The following CFAP299 variants were observed in gnomAD, a reference collection of about 807,000 sequenced individuals.
The protein encoded by CFAP299 is cilia- and flagella-associated protein 299.
A neutral mutation model predicts 27.0 loss-of-function variants in CFAP299; 21 were observed. The ratio of observed to expected loss-of-function variants is 0.78; its 90% CI spans 0.55 to 1.12. The LOEUF is 1.12. CFAP299 is among the 50% of genes most tolerant of loss of function. CFAP299 has a pLI of 0.00. For synonymous variants in CFAP299, 104 were observed against 98.1 expected (o/e 1.06, Z -0.36); for missense variants, 310 against 276.6 (o/e 1.12, Z -0.86).
chr4:80,902,586 T>TATACACACAC (rs370673737), intron 4 of CFAP299, among the ~76,000 whole-genome samples: 44 of 126,694 alleles, frequency 3.5e-4, no homozygotes, highest in East Asian at 2.6e-3. Context: ...ATGTAATATA[T>TATACACACAC]ACACACACAC....
intron 2 of CFAP299, among the ~76,000 whole-genome samples, chr4:80,582,090 A>G (rs1162541478): frequency 6.6e-6 from 1 of 151,534 alleles, no homozygotes; most frequent in African/African-American, 2.4e-5. Context: ...TTTACATTTG[A>G]ATTTCTTTAT....
chr4:80,335,535 C>A (rs545609225), upstream of CFAP299, among the ~76,000 whole-genome samples: 23 of 152,288 alleles, frequency 1.5e-4, no homozygotes, highest in South Asian at 4.6e-3. Flanking sequence ...CTCAACAGTT[C>A]ACTGAAGCCT....
intron 3 of CFAP299, among the ~76,000 whole-genome samples, chr4:80,667,147 A>G (rs1741180788): frequency 6.6e-6 from 1 of 152,180 alleles, no homozygotes. Flanking sequence ...TTATCCCCAT[A>G]AGAAAAGTCA....
At chr4:80,842,459 T>C (rs947969313) in intron 3 of CFAP299, among the ~76,000 whole-genome samples, 6 of 152,156 alleles carry the variant, frequency 3.9e-5, no homozygotes, top group African/African-American at 1.4e-4. Flanking sequence ...GAAAATTACT[T>C]AACGCCTCTT....
intron 3 of CFAP299, among the ~76,000 whole-genome samples, chr4:80,819,963 T>C (rs1729616148): frequency 6.6e-6 from 1 of 152,206 alleles, no homozygotes; most frequent in East Asian, 1.9e-4. Context: ...TTCCCCTTCT[T>C]ATGTTGTTGT....
intron 2 of CFAP299, among the ~76,000 whole-genome samples, chr4:80,478,773 A>C (rs1441711345): frequency 6.6e-6 from 1 of 151,328 alleles, no homozygotes; most frequent in Non-Finnish European, 1.5e-5. Flanking sequence ...ACATTGTTAT[A>C]GTGGAGTGCT....
intron 2 of CFAP299, among the ~76,000 whole-genome samples, chr4:80,562,599 A>C (rs1386767601): frequency 6.6e-6 from 1 of 151,276 alleles, no homozygotes; most frequent in African/African-American, 2.4e-5. Context: ...TGGAGATTGC[A>C]GTGAGCTGAG....
intron 3 of CFAP299, among the ~76,000 whole-genome samples, chr4:80,849,271 C>T (rs539620978): frequency 8.5e-5 from 13 of 152,094 alleles, no homozygotes; most frequent in South Asian, 2.1e-4. Context: ...TGTCACTAGG[C>T]GATATGAAAT....
At chr4:80,425,620 A>G (rs927051854) in intron 2 of CFAP299, among the ~76,000 whole-genome samples, 3 of 152,208 alleles carry the variant, frequency 2.0e-5, no homozygotes, top group African/African-American at 7.2e-5. Flanking sequence ...TATAAATAGC[A>G]TTGTTTCCCA....
chr4:80,883,856 T>C (rs1209254986), intron 4 of CFAP299, among the ~76,000 whole-genome samples: 1 of 152,172 alleles, frequency 6.6e-6, no homozygotes, highest in African/African-American at 2.4e-5. Flanking sequence ...GTTTGTTTGT[T>C]TGTTTGTTTG....
chr4:80,538,858 T>C (rs548864776), intron 2 of CFAP299, among the ~76,000 whole-genome samples: 1 of 152,294 alleles, frequency 6.6e-6, no homozygotes, highest in East Asian at 1.9e-4. Context: ...TTAACCAAAA[T>C]TAGTAAAAGA....
intron 2 of CFAP299, among the ~76,000 whole-genome samples, chr4:80,412,555 G>A (rs1327289077): frequency 6.6e-6 from 1 of 152,178 alleles, no homozygotes; most frequent in African/African-American, 2.4e-5. Context: ...GTATGGTGCT[G>A]TGGACCTTGC....
At chr4:80,777,687 A>C (rs1350791418) in intron 3 of CFAP299, among the ~76,000 whole-genome samples, 1 of 152,164 alleles carries the variant, frequency 6.6e-6, no homozygotes, top group African/African-American at 2.4e-5. Flanking sequence ...ATTTCAATAA[A>C]CTAACTCAAA....
At chr4:80,833,084 A>G (rs1439891458) in intron 3 of CFAP299, among the ~76,000 whole-genome samples, 3 of 152,272 alleles carry the variant, frequency 2.0e-5, no homozygotes, top group East Asian at 3.9e-4. Flanking sequence ...TCTTAAATAT[A>G]TATTTTAACA....
chr4:80,842,118 C>T (rs988655310), intron 3 of CFAP299, among the ~76,000 whole-genome samples: 2 of 152,006 alleles, frequency 1.3e-5, no homozygotes, highest in African/African-American at 4.8e-5. Context: ...GGGACTTTGG[C>T]TGGGTCTTCC....
chr4:80,612,868 TAAC>T (rs1285523429), intron 3 of CFAP299, among the ~76,000 whole-genome samples: 2 of 152,108 alleles, frequency 1.3e-5, no homozygotes, highest in Admixed American at 1.3e-4. Context: ...ACGTGGTTCT[TAAC>T]AAGTTTGATT....
intron 4 of CFAP299, among the ~76,000 whole-genome samples, chr4:80,897,837 T>A (rs529845025): frequency 6.6e-6 from 1 of 152,210 alleles, no homozygotes; most frequent in Non-Finnish European, 1.5e-5. Flanking sequence ...GAGCTTCTGA[T>A]TAGAGAAAAC....
At chr4:80,589,388 A>G (rs1216801195) in intron 3 of CFAP299, among the ~76,000 whole-genome samples, 1 of 152,202 alleles carries the variant, frequency 6.6e-6, no homozygotes, top group Non-Finnish European at 1.5e-5. Flanking sequence ...TAAATATGAA[A>G]ATATGGGAAA....
intron 3 of CFAP299, among the ~76,000 whole-genome samples, chr4:80,843,360 T>C (rs911368692): frequency 3.3e-5 from 5 of 152,084 alleles, no homozygotes; most frequent in Non-Finnish European, 5.9e-5. Context: ...CATAGTTTGC[T>C]GAGAATGATG....
Sources: allele counts gnomAD v4.1 joint callset (sites outside exome capture counted in the v4.1 genomes callset), GRCh38; gene constraint gnomAD v4.1.1; transcripts MANE v1.5; gene names NCBI Gene and HGNC (gene_info 2026-07-23, HGNC 2026-07-21).